Variants in PRKN observed in about 807,000 individuals in gnomAD.
PRKN encodes E3 ubiquitin-protein ligase parkin.
In PRKN, 56 loss-of-function variants were observed where a neutral mutation model predicts 59.5. That is an observed-to-expected ratio of 0.94 (90% confidence interval 0.76 to 1.18). PRKN has a LOEUF of 1.18. Among genes scored for constraint, PRKN ranks in the 50% most tolerant of loss-of-function variants. PRKN has a pLI of 0.00. For synonymous variants in PRKN, 250 were observed against 222.1 expected, an observed-to-expected ratio of 1.13 and a Z score of -1.12; for missense variants, 657 against 596.4, an observed-to-expected ratio of 1.10 and a Z score of -1.06.
chr6:161,531,014 C>T (rs1779185065), intron 9 of PRKN, among the ~76,000 whole-genome samples: 1 of 152,188 alleles, frequency 6.6e-6, no homozygotes. Context: ...ACATAGCACT[C>T]CACCATCTGA....
At chr6:162,450,131 C>T (rs376743076) in intron 1 of PRKN, among the ~76,000 whole-genome samples, 10 of 152,148 alleles carry the variant, frequency 6.6e-5, no homozygotes, top group South Asian at 6.2e-4. Context: ...TATCTATCCA[C>T]GTCTCTGGCT....
chr6:161,736,655 A>G (rs1295403031), intron 7 of PRKN, among the ~76,000 whole-genome samples: 2 of 152,358 alleles, frequency 1.3e-5, no homozygotes, highest in East Asian at 1.9e-4. Flanking sequence ...ACATCCAGCT[A>G]GGAATAATCT....
intron 3 of PRKN, among the ~76,000 whole-genome samples, chr6:162,254,871 C>A (rs1779580787): frequency 6.6e-6 from 1 of 151,976 alleles, no homozygotes; most frequent in East Asian, 1.9e-4. Flanking sequence ...CATTTCCCAA[C>A]ATAAAATGGA....
intron 9 of PRKN, among the ~76,000 whole-genome samples, chr6:161,496,669 T>G (rs1232827476): frequency 6.6e-6 from 1 of 152,176 alleles, no homozygotes; most frequent in African/African-American, 2.4e-5. Context: ...CTGTGGGGAT[T>G]ATTACAATTT....
In PRKN at chr6:161,359,971, A is replaced by G; in HGVS notation, c.1285+117T>C. On this transcript the variant is annotated intron_variant, in intron 11 of 11. Coordinates refer to ENST00000366898, the MANE Select transcript of PRKN (RefSeq NM_004562.3). This position sits in a 1 kb window ranked among gnomAD's most constrained non-coding sequence, Gnocchi z 5.4. ...AATGGGTAACATTAATCGAGGGGTTACCCAACACACCAGGCACCTTCAGAC... is the reference window on the plus strand; with the variant it reads ...AATGGGTAACATTAATCGAGGGGTTGCCCAACACACCAGGCACCTTCAGAC... 2 of 796,052 alleles carry G rather than the reference A, an allele frequency of 2.5e-6. No homozygotes were observed. The highest frequency in any genetic ancestry group is 2.8e-5 in the South Asian group (2 of 72,644). 49.3% of individuals were successfully genotyped at this position (796,052 alleles called of 1,614,324 possible). A position where few individuals can be genotyped will look rare whatever the true frequency, so the allele number is the denominator to read the frequency against.
At chr6:162,590,201 T>G (rs1227521183) in intron 1 of PRKN, among the ~76,000 whole-genome samples, 3 of 152,220 alleles carry the variant, frequency 2.0e-5, no homozygotes, top group Non-Finnish European at 1.5e-5. Flanking sequence ...CATTATGGAA[T>G]TTTTCATATA....
At chr6:161,865,819 C>T (rs765867904) in intron 6 of PRKN, among the ~76,000 whole-genome samples, 2 of 152,180 alleles carry the variant, frequency 1.3e-5, no homozygotes, top group Non-Finnish European at 2.9e-5. Context: ...TTAACATTCA[C>T]GTGTTCACTG....
At chr6:161,805,734 C>G (rs1310478140) in intron 6 of PRKN, among the ~76,000 whole-genome samples, 1 of 152,158 alleles carries the variant, frequency 6.6e-6, no homozygotes, top group Non-Finnish European at 1.5e-5. Context: ...TTTGATGTGT[C>G]TGAAGGATCT....
chr6:162,525,758 G>A (rs1422773351), intron 1 of PRKN, among the ~76,000 whole-genome samples: 1 of 152,154 alleles, frequency 6.6e-6, no homozygotes, highest in Non-Finnish European at 1.5e-5. Flanking sequence ...ATAAATGAAT[G>A]ACTCTTCTCC....
chr6:162,346,688 T>C (rs543912278), intron 2 of PRKN, among the ~76,000 whole-genome samples: 1 of 152,160 alleles, frequency 6.6e-6, no homozygotes, highest in South Asian at 2.1e-4. Context: ...TTTTTAACCA[T>C]GACTGCATGA....
rs1790098951 is a variant in PRKN, at chr6:161,459,163, G to A, written c.1084-72286C>T. On this transcript the variant is annotated intron_variant, in intron 9 of 11. Transcript: ENST00000366898. The surrounding 1 kb of genome is among the most constrained non-coding windows in gnomAD (Gnocchi z 4.8). ...GTGGTACTTAGCACCTGCCCTCAGT[G>A]ATCACCATTTTTCAGGTAAGACTTG... Among the ~76,000 whole-genome samples the A allele has an allele frequency of 6.6e-6, 1 of 152,120 alleles. No homozygotes were observed. The highest frequency in any genetic ancestry group is 2.1e-4 in the South Asian group (1 of 4,818).
At position 162,157,278 on chromosome 6, in the gene PRKN, G is replaced by A. The variant is rs1010577957; in HGVS notation, c.534+43853C>T. 1.1e-3 allele frequency among the ~76,000 whole-genome samples: 169 copies of A among 150,998 alleles called. 2 individuals are homozygous for A. The highest frequency in any genetic ancestry group is 1.3e-4 in the Non-Finnish European group (9 of 67,798). Reference sequence around the variant, plus strand: ...CACAGAAAAGACAGGATGGCACTTTGCCCTTCCATGCTAGCTCCTGGCTTT... The same window carrying A: ...CACAGAAAAGACAGGATGGCACTTTACCCTTCCATGCTAGCTCCTGGCTTT... On this transcript the variant is annotated intron_variant, in intron 4 of 11. Coordinates refer to ENST00000366898, the MANE Select transcript of PRKN (RefSeq NM_004562.3).
At chr6:162,569,459 C>A in intron 1 of PRKN, 1 of 688,132 alleles carries the variant, frequency 1.5e-6, no homozygotes. Flanking sequence ...CAGGAAGCTG[C>A]TGGAGAGTGA....
Position 162,410,127 on chromosome 6 carries a change from G to T in PRKN, c.171+33183C>A, listed in dbSNP as rs547772590. 1.1e-4 allele frequency among the ~76,000 whole-genome samples: 17 copies of T among 152,268 alleles called. No individual in the cohort carries two copies. The East Asian group carries it at 3.3e-3, about 29-fold the overall frequency. ...CTAACATTTCTCTGTAGAGATCTGTGAATGCCTGGTTCCTGTGAATGAAAA... is the reference window on the plus strand; with the variant it reads ...CTAACATTTCTCTGTAGAGATCTGTTAATGCCTGGTTCCTGTGAATGAAAA... On this transcript the variant is annotated intron_variant, in intron 2 of 11. Transcript: ENST00000366898.
chr6:162,540,576 G>C (rs1441746463), intron 1 of PRKN, among the ~76,000 whole-genome samples: 1 of 152,024 alleles, frequency 6.6e-6, no homozygotes, highest in African/African-American at 2.4e-5. Flanking sequence ...GGGAGGCTGA[G>C]GCAGGTGATC....
At chr6:162,013,356 T>C (rs1204012554) in intron 5 of PRKN, among the ~76,000 whole-genome samples, 1 of 152,144 alleles carries the variant, frequency 6.6e-6, no homozygotes, top group Non-Finnish European at 1.5e-5. Flanking sequence ...TGCATCCTTC[T>C]TTCTTTTCTG....
chr6:162,297,377 G>A (rs571809245), intron 2 of PRKN, among the ~76,000 whole-genome samples: 1 of 151,838 alleles, frequency 6.6e-6, no homozygotes, highest in East Asian at 1.9e-4. Flanking sequence ...TCTGCACAAG[G>A]GTATCCATCC....
intron 6 of PRKN, among the ~76,000 whole-genome samples, chr6:161,808,777 T>A (rs1161062868): frequency 6.6e-6 from 1 of 152,126 alleles, no homozygotes; most frequent in African/African-American, 2.4e-5. Context: ...GAAAAGTAAT[T>A]AAACTTAGTT....
chr6:161,970,758 G>C (rs1201948216), intron 6 of PRKN, among the ~76,000 whole-genome samples: 2 of 152,024 alleles, frequency 1.3e-5, no homozygotes, highest in East Asian at 1.9e-4. Context: ...GGCTGGTCTC[G>C]AACTTCTGAC....
Sources: allele counts gnomAD v4.1 joint callset (sites outside exome capture counted in the v4.1 genomes callset), GRCh38; gene constraint gnomAD v4.1.1; non-coding constraint Gnocchi (gnomAD v3.1); transcripts MANE v1.5; gene names NCBI Gene and HGNC (gene_info 2026-07-23, HGNC 2026-07-21).